The following PRDM10 variants were observed in gnomAD, a reference collection of about 807,000 sequenced individuals.
The protein encoded by PRDM10 is PR/SET domain 10.
In PRDM10, 65 loss-of-function variants were observed where a neutral mutation model predicts 133.1. That is an observed-to-expected ratio of 0.49 (90% CI 0.40 to 0.60). The LOEUF (loss-of-function observed/expected upper bound fraction) is 0.60. Among genes scored for constraint, PRDM10 ranks in the 20% least tolerant of loss-of-function variants. The pLI is 0.00. For synonymous variants in PRDM10, 582 were observed against 580.4 expected (o/e 1.00, Z -0.04); for missense variants, 1,137 against 1,507.1 (o/e 0.75, Z 4.07).
At chr11:129,985,809 A>AAAAT (rs1565512177) in intron 1 of PRDM10, among the ~76,000 whole-genome samples, 2 of 61,092 alleles carry the variant, frequency 3.3e-5, no homozygotes, top group Non-Finnish European at 5.3e-5. Flanking sequence ...AAAAAAAAAA[A>AAAAT]ATATATATAT....
At chr11:129,978,972 A>G (rs2135963855) in intron 1 of PRDM10, among the ~76,000 whole-genome samples, 1 of 152,308 alleles carries the variant, frequency 6.6e-6, no homozygotes, top group African/African-American at 2.4e-5. Context: ...ACTCAGAACG[A>G]AGAAACATGA....
chr11:129,912,251 A>C, intron 17 of PRDM10, 26 bp from the exon 18 acceptor site: 2 of 1,500,478 alleles, frequency 1.3e-6, no homozygotes, highest in Non-Finnish European at 1.8e-6. Context: ...ACAGGCCCAG[A>C]AACCAGACAT....
intron 1 of PRDM10, among the ~76,000 whole-genome samples, chr11:129,966,009 T>C (rs1290936486): frequency 1.3e-5 from 2 of 152,106 alleles, no homozygotes; most frequent in Non-Finnish European, 2.9e-5. Context: ...TTTGAGAGGC[T>C]GAGGCGGGCA....
chr11:129,964,171 C>T (rs111823245), intron 1 of PRDM10, among the ~76,000 whole-genome samples: 3 of 152,140 alleles, frequency 2.0e-5, no homozygotes, highest in Non-Finnish European at 2.9e-5. Context: ...GGCACAAATG[C>T]GCAGGCGTGT....
rs79609904 is a variant in PRDM10, at chr11:129,969,385, C to A, written c.-118-8303G>T. 2.0e-3 allele frequency among the ~76,000 whole-genome samples: 305 copies of A among 152,200 alleles called. 10 individuals carry two copies. In the East Asian group the frequency reaches 0.052, roughly 26 times the overall value. The stretch of plus-strand genomic sequence containing the variant: ...TATTAGAGTCGTCTTTGGAATCAGA[C>A]AGCCTAGCTCCAAAGCTTGGATTTA... On this transcript the variant is annotated intron_variant, in intron 1 of 20. Coordinates refer to ENST00000360871, the MANE Select transcript of PRDM10 (RefSeq NM_199437.2).
chr11:129,985,193 A>G (rs1938344300), intron 1 of PRDM10, among the ~76,000 whole-genome samples: 1 of 152,172 alleles, frequency 6.6e-6, no homozygotes, highest in South Asian at 2.1e-4. Flanking sequence ...CCCTCTTAGG[A>G]TGAACTCTCA....
At chr11:129,930,070 A>C (rs1462526746) in intron 11 of PRDM10, among the ~76,000 whole-genome samples, 1 of 152,196 alleles carries the variant, frequency 6.6e-6, no homozygotes, top group Admixed American at 6.5e-5. Flanking sequence ...CAAATGTTTA[A>C]ATGTGTTTTT....
In PRDM10 at chr11:129,918,596, G is replaced by A; in HGVS notation, c.2157C>T (p.Asp719=). The change falls in exon 14 of 21, where the codon GAC becomes GAT. Residue 719 remains aspartate, a synonymous_variant. Transcript: ENST00000360871. The surrounding 1 kb of genome is among the most constrained non-coding windows in gnomAD (Gnocchi z 5.3). ...ACAGGCGGCACTTGAACGTGAAGCT[G>A]TCGTAGTCTGTGGACGTGATGCGGG... is the stretch of plus-strand genomic sequence containing the variant. ...FKPRITSTDY[D]SFTFKCRLCM... 1 of 1,614,238 alleles carries A rather than the reference G, an allele frequency of 6.2e-7. No individual in the cohort carries two copies. The highest frequency in any genetic ancestry group is 8.5e-7 in the Non-Finnish European group (1 of 1,180,038).
intron 1 of PRDM10, among the ~76,000 whole-genome samples, chr11:129,999,717 T>C (rs988634690): frequency 6.6e-6 from 1 of 152,182 alleles, no homozygotes; most frequent in Non-Finnish European, 1.5e-5. Context: ...CTTTGATGAA[T>C]TATGTTTGTT....
chr11:130,001,252 T>C (rs1939355417), intron 1 of PRDM10, among the ~76,000 whole-genome samples: 1 of 152,008 alleles, frequency 6.6e-6, no homozygotes, highest in South Asian at 2.1e-4. Flanking sequence ...CTCATCAAAG[T>C]GGAAGCTATT....
intron 8 of PRDM10, among the ~76,000 whole-genome samples, chr11:129,935,794 A>C (rs1383231071): frequency 6.6e-6 from 1 of 152,242 alleles, no homozygotes; most frequent in East Asian, 1.9e-4. Flanking sequence ...AAAAACTAGA[A>C]ACAATCTCAT....
chr11:129,965,195 C>G (rs757650635), intron 1 of PRDM10, among the ~76,000 whole-genome samples: 3 of 151,704 alleles, frequency 2.0e-5, no homozygotes, highest in Non-Finnish European at 4.4e-5. Context: ...GAACCCAGAT[C>G]GTGCCACTGC....
intron 1 of PRDM10, among the ~76,000 whole-genome samples, chr11:129,993,412 T>G (rs1938856241): frequency 6.6e-6 from 1 of 152,196 alleles, no homozygotes; most frequent in South Asian, 2.1e-4. Flanking sequence ...TGTCTGGCTA[T>G]GCATAATACT....
intron 7 of PRDM10, 136 bp from the exon 8 acceptor site, chr11:129,937,806 C>G (rs182353584): frequency 8.6e-5 from 58 of 673,796 alleles, no homozygotes; most frequent in Non-Finnish European, 1.2e-4. Context: ...AAAGATCATG[C>G]TGTGAGCTCC....
chr11:129,929,356 AG>A, intron 11 of PRDM10: 5 of 1,531,710 alleles, frequency 3.3e-6, no homozygotes. Context: ...AAAGAACAGC[AG>A]GTCAGGCAAA....
chr11:129,953,956 TAA>T (rs1951645535), intron 4 of PRDM10, among the ~76,000 whole-genome samples: 1 of 147,976 alleles, frequency 6.8e-6, no homozygotes, highest in African/African-American at 2.5e-5. Flanking sequence ...ATGGAATCAA[TAA>T]GTATTTACAG....
rs530698673 is a variant in PRDM10 at position 129,910,910 on chromosome 11, A to G, written c.2983-254T>C. ...TCCTGCCTCAGCCTCGCGAGTAGCT[A>G]GGATTACAGGCATGTGCCAACCCAC... On this transcript the variant is annotated intron_variant, in intron 18 of 20. Coordinates refer to ENST00000360871, the MANE Select transcript of PRDM10 (RefSeq NM_199437.2). Among the ~76,000 whole-genome samples the G allele has an allele frequency of 3.9e-5, 6 of 152,076 alleles. No individual in the cohort carries two copies. The East Asian group carries it at 1.2e-3, about 29-fold the overall frequency.
intron 11 of PRDM10, among the ~76,000 whole-genome samples, chr11:129,926,097 CTG>C (rs1950670080): frequency 6.6e-6 from 1 of 152,242 alleles, no homozygotes; most frequent in African/African-American, 2.4e-5. Flanking sequence ...GCTCATCACA[CTG>C]TTCCTGCCTC....
At chr11:129,935,035 G>A (rs1950983789) in intron 9 of PRDM10, 66 bp downstream of exon 9, 10 of 1,364,638 alleles carry the variant, frequency 7.3e-6, no homozygotes, top group Non-Finnish European at 1.0e-5. Context: ...TTAGCTAGTG[G>A]ACAATATAGA....
Sources: gnomAD v4.1 joint callset for allele counts (sites outside exome capture counted in the v4.1 genomes callset) on GRCh38, gnomAD v4.1.1 for gene constraint, Gnocchi (gnomAD v3.1) non-coding constraint, MANE v1.5 for transcripts, NCBI Gene and HGNC (gene_info 2026-07-23, HGNC 2026-07-21) for gene names.